NKAIN3: variants seen among roughly 807,000 people sequenced by gnomAD.
The protein encoded by NKAIN3 is sodium/potassium-transporting ATPase subunit beta-1-interacting protein 3.
In NKAIN3, 25 loss-of-function variants were observed where a neutral mutation model predicts 30.2. The ratio of observed to expected loss-of-function variants is 0.83; its 90% confidence interval spans 0.60 to 1.16. The LOEUF (loss-of-function observed/expected upper bound fraction) is 1.16. Ranked by LOEUF, NKAIN3 falls within the 50% of genes most tolerant of loss-of-function variation. The probability of loss-of-function intolerance (pLI) is 0.00; values close to 1 mark genes in which losing one functional copy is unlikely to be tolerated. For missense variants in NKAIN3, 225 were observed against 254.1 expected, an observed-to-expected ratio of 0.89 and a Z score of 0.78; for synonymous variants, 91 against 89.6, an observed-to-expected ratio of 1.02 and a Z score of -0.09.
intron 4 of NKAIN3, among the ~76,000 whole-genome samples, chr8:62,843,855 G>A (rs1167481419): frequency 2.6e-5 from 4 of 151,960 alleles, no homozygotes; most frequent in African/African-American, 2.4e-5. Flanking sequence ...GCTGTAAGAG[G>A]GAGTGCTGTT....
intron 6 of NKAIN3, among the ~76,000 whole-genome samples, chr8:62,955,420 T>C (rs4570149): frequency 0.48 from 72,962 of 151,878 alleles, 18,401 homozygotes; most frequent in African/African-American, 0.65. Context: ...TCAAGATGAT[T>C]AGTGCATTGG....
chr8:62,612,635 C>G (rs1409883107), intron 3 of NKAIN3, among the ~76,000 whole-genome samples: 1 of 151,754 alleles, frequency 6.6e-6, no homozygotes, highest in Non-Finnish European at 1.5e-5. Flanking sequence ...AGGACTTACT[C>G]TTGCCAATTT....
chr8:62,292,123 A>T (rs2129587199), intron 1 of NKAIN3, among the ~76,000 whole-genome samples: 1 of 152,158 alleles, frequency 6.6e-6, no homozygotes, highest in East Asian at 1.9e-4. Flanking sequence ...TTTTGAGCCT[A>T]CATGTATCTC....
intron 3 of NKAIN3, 34 bp from the exon 4 acceptor site, chr8:62,746,898 C>T (rs374504803): frequency 3.4e-6 from 5 of 1,482,770 alleles, no homozygotes; most frequent in Non-Finnish European, 4.7e-6. Flanking sequence ...AATACAATTT[C>T]CTCATTTTGC....
intron 4 of NKAIN3, among the ~76,000 whole-genome samples, chr8:62,811,201 C>T (rs187415397): frequency 2.7e-4 from 41 of 152,180 alleles, no homozygotes; most frequent in African/African-American, 9.4e-4. Flanking sequence ...ATCAATCATT[C>T]ATTTTTATTA....
chr8:62,427,495 T>C (rs1039727821), intron 1 of NKAIN3, among the ~76,000 whole-genome samples: 1 of 151,932 alleles, frequency 6.6e-6, no homozygotes, highest in African/African-American at 2.4e-5. Flanking sequence ...ATTGAGATAA[T>C]GTGTATTAGC....
chr8:62,761,596 C>T (rs1586170680), intron 4 of NKAIN3, among the ~76,000 whole-genome samples: 1 of 152,194 alleles, frequency 6.6e-6, no homozygotes, highest in African/African-American at 2.4e-5. Flanking sequence ...ATTCTTCAGG[C>T]ATTCCTAGTT....
intron 5 of NKAIN3, among the ~76,000 whole-genome samples, chr8:62,939,625 C>T (rs905941477): frequency 5.9e-5 from 9 of 152,012 alleles, no homozygotes; most frequent in African/African-American, 1.9e-4. Context: ...AAACGATTAT[C>T]AGCCAAGAAT....
chr8:62,477,728 A>T (rs1806566448), intron 1 of NKAIN3, among the ~76,000 whole-genome samples: 2 of 152,130 alleles, frequency 1.3e-5, no homozygotes, highest in African/African-American at 4.8e-5. Context: ...AGTTCTAGTC[A>T]TGATTCCGTC....
intron 1 of NKAIN3, among the ~76,000 whole-genome samples, chr8:62,477,240 A>T: frequency 6.6e-6 from 1 of 152,100 alleles, no homozygotes; most frequent in African/African-American, 2.4e-5. Flanking sequence ...GATTTACATA[A>T]TTCACACACC....
chr8:62,659,256 T>C (rs1234843550), intron 3 of NKAIN3, among the ~76,000 whole-genome samples: 1 of 152,186 alleles, frequency 6.6e-6, no homozygotes, highest in Non-Finnish European at 1.5e-5. Context: ...TCCCCAAAAG[T>C]GGTAGTGACC....
chr8:62,497,013 C>T (rs1807263514), intron 1 of NKAIN3, among the ~76,000 whole-genome samples: 1 of 151,816 alleles, frequency 6.6e-6, no homozygotes, highest in African/African-American at 2.4e-5. Flanking sequence ...TGAGTGTTCA[C>T]AATTAAGAAG....
In NKAIN3 at chr8:62,970,001, C is replaced by A. The variant is rs902988233; in HGVS notation, c.*4594C>A. ...CTTGAGGCCAGGAGTTCAAGACCAG[C>A]TTGGGCAAAATAGTGAGACCGTATC... On this transcript the variant is annotated 3_prime_UTR_variant, in exon 7 of 7. Coordinates refer to ENST00000623646, the MANE Select transcript of NKAIN3 (RefSeq NM_001304533.3). Among the ~76,000 whole-genome samples the A allele has an allele frequency of 6.6e-6, 1 of 152,046 alleles. No individual in the cohort carries two copies.
intron 3 of NKAIN3, among the ~76,000 whole-genome samples, chr8:62,729,245 A>C (rs895050561): frequency 1.3e-5 from 2 of 152,122 alleles, no homozygotes; most frequent in South Asian, 4.1e-4. Context: ...GAAGATATGT[A>C]GATGGAAAAA....
chr8:62,723,260 T>G (rs979376310), intron 3 of NKAIN3, among the ~76,000 whole-genome samples: 5 of 152,118 alleles, frequency 3.3e-5, no homozygotes, highest in African/African-American at 1.2e-4. Context: ...CTACCTAAGT[T>G]GAAAAATAAG....
chr8:62,692,316 T>G (rs1236725153), intron 3 of NKAIN3, among the ~76,000 whole-genome samples: 3 of 152,212 alleles, frequency 2.0e-5, no homozygotes, highest in Non-Finnish European at 4.4e-5. Flanking sequence ...ACTTCAAAGA[T>G]AAGTAGAAGC....
At chr8:62,506,226 A>AT (rs1554540907) in intron 1 of NKAIN3, among the ~76,000 whole-genome samples, 2 of 64,062 alleles carry the variant, frequency 3.1e-5, no homozygotes, top group Non-Finnish European at 7.5e-5. Context: ...ATATGAGAAT[A>AT]TTGGGGGGGG....
intron 4 of NKAIN3, among the ~76,000 whole-genome samples, chr8:62,802,072 A>C (rs927562287): frequency 6.6e-6 from 1 of 152,188 alleles, no homozygotes; most frequent in African/African-American, 2.4e-5. Context: ...TTAGAGAAAA[A>C]AGAATAAAAG....
intron 1 of NKAIN3, among the ~76,000 whole-genome samples, chr8:62,357,429 A>G (rs1448278376): frequency 6.6e-6 from 1 of 152,188 alleles, no homozygotes; most frequent in African/African-American, 2.4e-5. Flanking sequence ...ACAAGGAAGA[A>G]AAGCATTCCA....
Sources: allele counts gnomAD v4.1 joint callset (sites outside exome capture counted in the v4.1 genomes callset), GRCh38; gene constraint gnomAD v4.1.1; transcripts MANE v1.5; gene names NCBI Gene and HGNC (gene_info 2026-07-23, HGNC 2026-07-21).